The following TRDMT1 variants were observed in gnomAD, a reference collection of about 807,000 sequenced individuals.
TRDMT1 encodes the protein tRNA aspartic acid methyltransferase 1.
Under a neutral mutation model 51.2 loss-of-function variants are expected in TRDMT1, and 49 were observed. The observed-to-expected ratio is 0.96, with a 90% CI of 0.76 to 1.21. The LOEUF is 1.21. TRDMT1 is among the 50% of genes most tolerant of loss of function. The pLI, the probability that TRDMT1 is intolerant of heterozygous loss-of-function variation, is 0.00. For missense variants in TRDMT1, 534 were observed against 462.3 expected, an observed-to-expected ratio of 1.16 and a Z score of -1.42; for synonymous variants, 187 against 164.6, an observed-to-expected ratio of 1.14 and a Z score of -1.04.
Position 17,143,899 on chromosome 10 carries a change from T to G in TRDMT1, c.*5141A>C. On this transcript the variant is annotated 3_prime_UTR_variant, in exon 11 of 11. Transcript: ENST00000377799. ...GACTATAGAATGGAGTGTGCTTAGG[T>G]TGCAAGCATGCTAAATTTGATGCAA... is the stretch of plus-strand genomic sequence containing the variant. 1.0e-6 allele frequency: 1 copy of G among 983,374 alleles called. No individual in the cohort carries two copies. The highest frequency in any genetic ancestry group is 1.2e-6 in the Non-Finnish European group (1 of 829,136). 60.9% of individuals were successfully genotyped at this position (983,374 alleles called of 1,614,324 possible). A position where few individuals can be genotyped will look rare whatever the true frequency, so the allele number is the denominator to read the frequency against.
Position 17,146,072 on chromosome 10 carries a change from C to T in TRDMT1, c.*2968G>A. 2 of 985,428 alleles carry T rather than the reference C, an allele frequency of 2.0e-6. No homozygotes were observed. Among genetic ancestry groups the T allele is most frequent in the Non-Finnish European group, 2.4e-6 (2 of 829,930 alleles). 61.0% of individuals were successfully genotyped at this position (985,428 alleles called of 1,614,324 possible). ...TAACCCCATCCAATTTTACATCCCA[C>T]ATGGTAGCAATACAGCCTTTCAGGG... On this transcript the variant is annotated 3_prime_UTR_variant, in exon 11 of 11. Coordinates refer to ENST00000377799, the MANE Select transcript of TRDMT1 (RefSeq NM_004412.7).
At chr10:17,160,623 A>G (rs1481937648) in intron 5 of TRDMT1, among the ~76,000 whole-genome samples, 1 of 151,908 alleles carries the variant, frequency 6.6e-6, no homozygotes, top group African/African-American at 2.4e-5. Flanking sequence ...GGCACCCACC[A>G]CCACGCCTGG....
At chr10:17,189,239 A>G (rs945077377) in intron 1 of TRDMT1, among the ~76,000 whole-genome samples, 4 of 152,168 alleles carry the variant, frequency 2.6e-5, no homozygotes, top group Non-Finnish European at 5.9e-5. Context: ...ATATATTTGT[A>G]TTTTGTTTTT....
chr10:17,177,723 C>CACACACACACAA, intron 1 of TRDMT1, among the ~76,000 whole-genome samples: 1 of 150,826 alleles, frequency 6.6e-6, no homozygotes, highest in Non-Finnish European at 1.5e-5. Flanking sequence ...AACACACACA[C>CACACACACACAA]ACACACACAC....
chr10:17,190,799 T>A (rs1844591765), intron 1 of TRDMT1, among the ~76,000 whole-genome samples: 1 of 152,150 alleles, frequency 6.6e-6, no homozygotes, highest in Admixed American at 6.5e-5. Context: ...AACAAGTATA[T>A]AAAAGGATTA....
intron 1 of TRDMT1, among the ~76,000 whole-genome samples, chr10:17,187,522 T>C (rs1324014786): frequency 6.6e-6 from 1 of 152,176 alleles, no homozygotes; most frequent in African/African-American, 2.4e-5. Context: ...CAACATACAA[T>C]GGTGCTTTTA....
At chr10:17,170,829 T>C (rs1841881764) in intron 2 of TRDMT1, among the ~76,000 whole-genome samples, 1 of 140,076 alleles carries the variant, frequency 7.1e-6, no homozygotes, top group Non-Finnish European at 1.6e-5. Context: ...ACATATTGTA[T>C]ATTGTATGCT....
intron 6 of TRDMT1, among the ~76,000 whole-genome samples, chr10:17,160,021 T>C (rs932795194): frequency 6.6e-6 from 1 of 152,138 alleles, no homozygotes; most frequent in Non-Finnish European, 1.5e-5. Flanking sequence ...AGTTTGGAAA[T>C]ACCAAACTTG....
At chr10:17,187,408 C>G (rs542173482) in intron 1 of TRDMT1, among the ~76,000 whole-genome samples, 409 of 152,220 alleles carry the variant, frequency 2.7e-3, no homozygotes, top group African/African-American at 8.6e-3. Context: ...TGAATATAAA[C>G]TAGTATGTCC....
chr10:17,178,677 G>GAAAA (rs3054721), intron 1 of TRDMT1, among the ~76,000 whole-genome samples: 3 of 104,048 alleles, frequency 2.9e-5, no homozygotes, highest in Admixed American at 1.0e-4. Context: ...CTCTGTCTCG[G>GAAAA]AAAAAAAAAA....
At chr10:17,183,377 C>T (rs1299131827) in intron 1 of TRDMT1, among the ~76,000 whole-genome samples, 2 of 152,030 alleles carry the variant, frequency 1.3e-5, no homozygotes, top group Non-Finnish European at 2.9e-5. Flanking sequence ...TTGAATAATT[C>T]GATTTTTTTC....
chr10:17,200,648 G>C (rs959537399), intron 1 of TRDMT1: 1 of 162,764 alleles, frequency 6.1e-6, no homozygotes. Flanking sequence ...CCAGCTCCTA[G>C]CACAAAATCT....
At chr10:17,184,843 AG>A (rs1358517371) in intron 1 of TRDMT1, among the ~76,000 whole-genome samples, 1 of 152,146 alleles carries the variant, frequency 6.6e-6, no homozygotes, top group Non-Finnish European at 1.5e-5. Context: ...TTTTTATCAA[AG>A]CTATCTTAGG....
intron 1 of TRDMT1, among the ~76,000 whole-genome samples, chr10:17,193,147 T>C (rs745740613): frequency 5.9e-5 from 9 of 152,122 alleles, no homozygotes; most frequent in Non-Finnish European, 1.3e-4. Flanking sequence ...GCTGATCACC[T>C]GAGGTCAGGA....
chr10:17,168,303 A>G (rs1841484901), intron 3 of TRDMT1, among the ~76,000 whole-genome samples: 1 of 152,204 alleles, frequency 6.6e-6, no homozygotes, highest in Admixed American at 6.5e-5. Context: ...ACCCTGTCCC[A>G]ATAATTATTA....
At chr10:17,193,454 A>G (rs1381993268) in intron 1 of TRDMT1, among the ~76,000 whole-genome samples, 1 of 152,222 alleles carries the variant, frequency 6.6e-6, no homozygotes, top group African/African-American at 2.4e-5. Context: ...TGACTTCATC[A>G]AAGCTTCAGG....
Position 17,142,627 on chromosome 10 carries a change from C to T in TRDMT1, c.*6413G>A, listed in dbSNP as rs1564537504. On this transcript the variant is annotated 3_prime_UTR_variant, in exon 11 of 11. Transcript: ENST00000377799. ...TTTGTCAGTGGGATTCCTGATATAC[C>T]CCCGTGCTGGTAGAGCCAGACTCAT... The T allele has an allele frequency of 6.6e-6, 1 of 152,148 alleles. No homozygotes were observed. Among genetic ancestry groups the T allele is most frequent in the African/African-American group, 2.4e-5 (1 of 41,426 alleles). The allele number at this position is 152,148 out of a possible 1,614,324, so 9.4% of individuals were successfully genotyped here. A position where few individuals can be genotyped will look rare whatever the true frequency, so the allele number is the denominator to read the frequency against.
intron 3 of TRDMT1, among the ~76,000 whole-genome samples, chr10:17,167,820 AG>A (rs1169738801): frequency 1.6e-4 from 24 of 152,208 alleles, no homozygotes; most frequent in African/African-American, 5.3e-4. Context: ...TTGCTTAATC[AG>A]TATTAGAAAG....
chr10:17,157,665 C>T lies in TRDMT1; in HGVS notation c.663G>A (p.Gln221=), dbSNP rs376822314. The T allele has an allele frequency of 3.1e-6, 5 of 1,613,434 alleles. No homozygotes were observed. In the East Asian group the frequency reaches 6.7e-5, roughly 22 times the overall value. ...EPNISFDGSI[Q]CSGKDAILFK... is the part of the protein sequence containing the mutation. ...AAAGAATGGCATCTTTTCCAGAACACTGTATGCTGCCATCAAAGCTAATAT... is the reference window on the plus strand; with the variant it reads ...AAAGAATGGCATCTTTTCCAGAACATTGTATGCTGCCATCAAAGCTAATAT... The change falls in exon 8 of 11, where the codon CAG becomes CAA. Residue 221 remains glutamine (Q), a synonymous_variant. Transcript: ENST00000377799.
Sources: allele counts gnomAD v4.1 joint callset (sites outside exome capture counted in the v4.1 genomes callset), GRCh38; gene constraint gnomAD v4.1.1; transcripts MANE v1.5; gene names NCBI Gene and HGNC (gene_info 2026-07-23, HGNC 2026-07-21).